Variants in NOCT observed in about 807,000 individuals in gnomAD.
The protein encoded by NOCT is nocturnin.
NOCT carries 18 observed loss-of-function variants against 35.0 expected under a neutral mutation model. That is an observed-to-expected ratio of 0.51 (90% CI 0.36 to 0.76). The LOEUF (loss-of-function observed/expected upper bound fraction) is 0.76, where lower values mean the gene tolerates loss of function less well. Ranked by LOEUF, NOCT falls within the 30% of genes least tolerant of loss-of-function variation. NOCT has a pLI of 0.01. For synonymous variants in NOCT, 235 were observed against 226.3 expected (o/e 1.04, Z -0.34); for missense variants, 479 against 541.0 (o/e 0.89, Z 1.14).
intron 1 of NOCT, 22 bp from the exon 2 acceptor site, chr4:139,043,052 A>G (rs1471964938): frequency 6.4e-7 from 1 of 1,574,528 alleles, no homozygotes; most frequent in South Asian, 1.1e-5. Context: ...TGAGTGTGTA[A>G]CTGTGATTTC....
At chr4:139,019,242 C>T (rs1333404988) in intron 1 of NOCT, among the ~76,000 whole-genome samples, 8 of 152,040 alleles carry the variant, frequency 5.3e-5, no homozygotes, top group African/African-American at 1.7e-4. Context: ...TTAGTAGAGA[C>T]AGGATTTCAA....
At chr4:139,034,217 T>C (rs954566186) in intron 1 of NOCT, among the ~76,000 whole-genome samples, 1 of 151,842 alleles carries the variant, frequency 6.6e-6, no homozygotes, top group Non-Finnish European at 1.5e-5. Flanking sequence ...CAGCACTGTG[T>C]CTCCCCACCC....
rs752007536 is a variant in NOCT, at chr4:139,044,661, C to T, written c.483C>T (p.Asn161=). ...CAGCTCTTGGAGAAGGCAAAGACAA[C>T]TTTGTACAGTGCCCTGTTGAAGCAC... The part of the protein sequence containing the change: ...LAQALGEGKD[N]FVQCPVEALK... The change falls in exon 3 of 3, where the codon AAC becomes AAT. Residue 161 remains asparagine, a synonymous_variant. Coordinates refer to ENST00000280614, the MANE Select transcript of NOCT (RefSeq NM_012118.4). 1.6e-5 allele frequency: 26 copies of T among 1,613,626 alleles called. No homozygotes were observed. In the African/African-American group the frequency reaches 3.3e-4, roughly 21 times the overall value.
intron 1 of NOCT, among the ~76,000 whole-genome samples, chr4:139,025,495 T>C (rs1252790283): frequency 6.6e-6 from 1 of 152,178 alleles, no homozygotes; most frequent in Non-Finnish European, 1.5e-5. Flanking sequence ...TGTTTTCCAA[T>C]GTTATTGATG....
At position 139,045,699 on chromosome 4, in the gene NOCT, G is replaced by A. The variant is rs924725175; in HGVS notation, c.*225G>A. ...GCCCAGCTAATTTTTTGTATTTTTA[G>A]TAGAGACGGGGTTTCACCGTGTTAG... On this transcript the variant is annotated 3_prime_UTR_variant, in exon 3 of 3. Coordinates refer to ENST00000280614, the MANE Select transcript of NOCT (RefSeq NM_012118.4). 2.4e-6 allele frequency: 1 copy of A among 417,202 alleles called. No homozygotes were observed. The highest frequency in any genetic ancestry group is 4.1e-5 in the Admixed American group (1 of 24,388). The allele number at this position is 417,202 out of a possible 1,614,324, so 25.8% of individuals were successfully genotyped here.
At chr4:139,024,186 A>C (rs1263625607) in intron 1 of NOCT, among the ~76,000 whole-genome samples, 1 of 151,378 alleles carries the variant, frequency 6.6e-6, no homozygotes, top group Non-Finnish European at 1.5e-5. Context: ...TCAGCCTCTG[A>C]AGTAGCTGGG....
At chr4:139,032,978 T>C (rs1726655413) in intron 1 of NOCT, among the ~76,000 whole-genome samples, 1 of 152,114 alleles carries the variant, frequency 6.6e-6, no homozygotes. Context: ...GGCAGGGGAA[T>C]TGCTTGACCC....
intron 1 of NOCT, among the ~76,000 whole-genome samples, chr4:139,040,436 T>C (rs560489616): frequency 1.3e-5 from 2 of 152,318 alleles, no homozygotes; most frequent in South Asian, 2.1e-4. Context: ...CTGTCTGATA[T>C]TGTTCTATTC....
At chr4:139,034,574 G>T (rs1726694548) in intron 1 of NOCT, among the ~76,000 whole-genome samples, 1 of 151,986 alleles carries the variant, frequency 6.6e-6, no homozygotes, top group Non-Finnish European at 1.5e-5. Flanking sequence ...CTGTGGTGTT[G>T]TTGTGGTGGT....
chr4:139,042,612 C>T (rs539190731), intron 1 of NOCT, among the ~76,000 whole-genome samples: 1 of 152,106 alleles, frequency 6.6e-6, no homozygotes, highest in Non-Finnish European at 1.5e-5. Flanking sequence ...CTTTATTCTG[C>T]CTCTGTAGAA....
Position 139,035,388 on chromosome 4 carries a change from G to A in NOCT, c.191-7686G>A, listed in dbSNP as rs1312080635. Among the ~76,000 whole-genome samples the A allele has an allele frequency of 4.0e-5, 6 of 151,878 alleles. No individual in the cohort carries two copies. The East Asian group carries it at 9.6e-4, about 24-fold the overall frequency. On this transcript the variant is annotated intron_variant, in intron 1 of 2. Transcript: ENST00000280614. ...TGACCCTAAGCGATCCTCCTGCCTT[G>A]GCCTCCCAAAGTGTTTTGATTACAG...
chr4:139,020,546 A>C (rs1046567628), intron 1 of NOCT, among the ~76,000 whole-genome samples: 3 of 152,218 alleles, frequency 2.0e-5, no homozygotes, highest in African/African-American at 7.2e-5. Context: ...GGGTAGAGGC[A>C]GAATCATTTG....
chr4:139,040,199 A>ATTT (rs55905006), intron 1 of NOCT, among the ~76,000 whole-genome samples: 1 of 142,350 alleles, frequency 7.0e-6, no homozygotes, highest in South Asian at 2.2e-4. Context: ...TGCCCAGCTA[A>ATTT]TTTTTTTTTT....
At chr4:139,017,792 G>T (rs891351697) in intron 1 of NOCT, among the ~76,000 whole-genome samples, 7 of 151,840 alleles carry the variant, frequency 4.6e-5, no homozygotes, top group Non-Finnish European at 5.9e-5. Flanking sequence ...GTAAAACTCC[G>T]TCTCAAAACA....
intron 1 of NOCT, among the ~76,000 whole-genome samples, chr4:139,036,633 T>A (rs1216716462): frequency 6.6e-6 from 1 of 152,260 alleles, no homozygotes. Flanking sequence ...TTTTCTCTCA[T>A]GAATTCATGA....
intron 1 of NOCT, among the ~76,000 whole-genome samples, chr4:139,020,562 G>A (rs1560728641): frequency 6.6e-6 from 1 of 152,228 alleles, no homozygotes; most frequent in Non-Finnish European, 1.5e-5. Flanking sequence ...ATTTGGGACA[G>A]TTGTTAAAAT....
intron 1 of NOCT, among the ~76,000 whole-genome samples, chr4:139,025,054 G>A (rs75205984): frequency 0.024 from 3,687 of 152,226 alleles, 78 homozygotes; most frequent in Admixed American, 0.042. Context: ...CCCCTTCCCC[G>A]CTTTTTAAAA....
intron 1 of NOCT, among the ~76,000 whole-genome samples, chr4:139,036,014 T>A (rs1214782407): frequency 6.6e-6 from 1 of 152,128 alleles, no homozygotes; most frequent in Non-Finnish European, 1.5e-5. Context: ...CAATAATAGC[T>A]CCCTGCCCAC....
chr4:139,040,590 G>GT (rs928219527), intron 1 of NOCT, among the ~76,000 whole-genome samples: 1 of 152,098 alleles, frequency 6.6e-6, no homozygotes. Flanking sequence ...TTGCATGGTA[G>GT]TTTTTTCATA....
Sources: allele counts gnomAD v4.1 joint callset (sites outside exome capture counted in the v4.1 genomes callset), GRCh38; gene constraint gnomAD v4.1.1; transcripts MANE v1.5; gene names NCBI Gene and HGNC (gene_info 2026-07-23, HGNC 2026-07-21).